ANAPC1: variants seen among roughly 807,000 people sequenced by gnomAD.
ANAPC1 encodes anaphase promoting complex subunit 1, also known as anaphase-promoting complex subunit 1.
Under a neutral mutation model 208.0 loss-of-function variants are expected in ANAPC1, and 36 were observed. That is an observed-to-expected ratio of 0.17 (90% CI 0.13 to 0.23). The LOEUF (loss-of-function observed/expected upper bound fraction) is 0.23, where lower values mean the gene tolerates loss of function less well. Ranked by LOEUF, ANAPC1 falls within the 10% of genes least tolerant of loss-of-function variation. The pLI is 1.00. For missense variants in ANAPC1, 942 were observed against 2,011.6 expected (o/e 0.47, Z 10.17); for synonymous variants, 378 against 695.2 (o/e 0.54, Z 7.18).
intron 19 of ANAPC1, among the ~76,000 whole-genome samples, chr2:111,834,267 T>C (rs1253321254): frequency 6.6e-6 from 1 of 152,216 alleles, no homozygotes; most frequent in Non-Finnish European, 1.5e-5. Flanking sequence ...TATTTGAATG[T>C]GGATATTACA....
chr2:111,867,229 G>A (rs62165437), intron 7 of ANAPC1, among the ~76,000 whole-genome samples: 10,476 of 151,460 alleles, frequency 0.069, 562 homozygotes, highest in South Asian at 0.21. Context: ...GGCGGAGGTT[G>A]CAGTGAGCCG....
At chr2:111,867,855 G>A in intron 7 of ANAPC1, 168 bp downstream of exon 7, 1 of 468,646 alleles carries the variant, frequency 2.1e-6, no homozygotes, top group Non-Finnish European at 3.8e-6. Flanking sequence ...TAAAATAACT[G>A]TTGAGCAGTT....
chr2:111,870,301 T>C (rs1682675417), intron 6 of ANAPC1, among the ~76,000 whole-genome samples: 1 of 152,208 alleles, frequency 6.6e-6, no homozygotes, highest in African/African-American at 2.4e-5. Context: ...CATACTGTTT[T>C]CCATAGATGT....
In ANAPC1 at chr2:111,847,802, T is replaced by C; in HGVS notation, c.1714A>G (p.Asn572Asp). 1 of 1,607,034 alleles carries C rather than the reference T, an allele frequency of 6.2e-7. No individual in the cohort carries two copies. Among genetic ancestry groups the C allele is most frequent in the Non-Finnish European group, 8.5e-7 (1 of 1,176,952 alleles). ...DSSKLHDSLY[N>D]EDCTFQQLGT... ...AGCTGTTGGAAAGTACAATCCTCAT[T>C]ATAGAGAGAATCATGAAGTTTTGAA... The change falls in exon 15 of 48, where the codon AAT (asparagine) becomes GAT (aspartate). Residue 572 changes from asparagine to aspartate, a missense_variant. Transcript: ENST00000341068.
chr2:111,880,755 C>A lies in ANAPC1; in HGVS notation c.71G>T (p.Gly24Val). Residue 24 changes from glycine (G) to valine (V), a missense_variant, in exon 2 of 48, where the codon GGT (glycine) becomes GTT (valine). Coordinates refer to ENST00000341068, the MANE Select transcript of ANAPC1 (RefSeq NM_022662.4). The part of the protein sequence containing the change: ...ARDLQEFVPF[G>V]RDHCKHHPNA... ...AGGGTGGTGCTTGCAGTGGTCTCGACCAAAAGGAACAAATTCCTGCAAATC... is the reference window on the plus strand; with the variant it reads ...AGGGTGGTGCTTGCAGTGGTCTCGAACAAAAGGAACAAATTCCTGCAAATC... 1 of 1,613,874 alleles carries A rather than the reference C, an allele frequency of 6.2e-7. No homozygotes were observed. Among genetic ancestry groups the A allele is most frequent in the Non-Finnish European group, 8.5e-7 (1 of 1,179,866 alleles).
intron 13 of ANAPC1, among the ~76,000 whole-genome samples, chr2:111,855,547 C>T (rs1474122085): frequency 2.6e-5 from 4 of 152,164 alleles, no homozygotes; most frequent in African/African-American, 9.7e-5. Flanking sequence ...ACAACACACG[C>T]ATCAACACAG....
intron 1 of ANAPC1, among the ~76,000 whole-genome samples, chr2:111,882,781 C>T (rs1479171129): frequency 2.0e-5 from 3 of 151,402 alleles, no homozygotes; most frequent in East Asian, 1.9e-4. Context: ...AATTATGTCA[C>T]AAAACATGAC....
In ANAPC1 at chr2:111,803,091, A is replaced by C. The variant is rs1191442067; in HGVS notation, c.4142+357T>G. 2 of 153,182 alleles carry C rather than the reference A, an allele frequency of 1.3e-5. 1 individual carries two copies. Among genetic ancestry groups the C allele is most frequent in the African/African-American group, 8.1e-5 (2 of 24,756 alleles). 9.5% of individuals were successfully genotyped at this position (153,182 alleles called of 1,614,324 possible). A position where few individuals can be genotyped will look rare whatever the true frequency, so the allele number is the denominator to read the frequency against. On this transcript the variant is annotated intron_variant, in intron 32 of 47. Coordinates refer to ENST00000341068, the MANE Select transcript of ANAPC1 (RefSeq NM_022662.4). Reference sequence around the variant, plus strand: ...TTACATGGTAACCAAGATCACACTAAATGATAAGTATTTCTGGCTTAACCA... The same window carrying C: ...TTACATGGTAACCAAGATCACACTACATGATAAGTATTTCTGGCTTAACCA...
intron 13 of ANAPC1, among the ~76,000 whole-genome samples, chr2:111,855,329 T>C (rs1681640347): frequency 6.6e-6 from 1 of 152,142 alleles, no homozygotes. Flanking sequence ...GTTTGAAATA[T>C]TGCAAGAATT....
chr2:111,781,511 T>G (rs111681888), intron 43 of ANAPC1, among the ~76,000 whole-genome samples: 17,125 of 151,862 alleles, frequency 0.11, 534 homozygotes, highest in Non-Finnish European at 0.15. Context: ...GAAATATGAG[T>G]TGAATTAAAA....
At chr2:111,859,192 G>A (rs1387393407) in intron 10 of ANAPC1, among the ~76,000 whole-genome samples, 1 of 151,948 alleles carries the variant, frequency 6.6e-6, no homozygotes, top group Admixed American at 6.6e-5. Context: ...CTTCTAAAGT[G>A]CTACAGAAGG....
intron 13 of ANAPC1, among the ~76,000 whole-genome samples, chr2:111,851,581 C>A (rs1444206609): frequency 1.3e-5 from 2 of 151,554 alleles, no homozygotes; most frequent in Non-Finnish European, 2.9e-5. Flanking sequence ...CCGAGGCGGG[C>A]GGATCACAAG....
In ANAPC1 at chr2:111,838,480, A is replaced by C. The variant is rs1181626034; in HGVS notation, c.2073T>G (p.Ile691Met). The stretch of plus-strand genomic sequence containing the variant: ...CGGAAGGCCTTGCTTTTTTGGGCGC[A>C]ATGACAGGAGAAAGTGATCCTTCAA... ...FDFEGSLSPV[I>M]APKKARPSET... The change falls in exon 18 of 48, where the codon ATT (isoleucine) becomes ATG (methionine). Residue 691 changes from isoleucine (I) to methionine (M), a missense_variant. Coordinates refer to ENST00000341068, the MANE Select transcript of ANAPC1 (RefSeq NM_022662.4). 7 of 1,607,562 alleles carry C rather than the reference A, an allele frequency of 4.4e-6. No homozygotes were observed. The highest frequency in any genetic ancestry group is 5.9e-6 in the Non-Finnish European group (7 of 1,178,194).
intron 7 of ANAPC1, chr2:111,866,492 G>A (rs28730278): frequency 0.53 from 79,009 of 147,722 alleles, 22,449 homozygotes; most frequent in Non-Finnish European, 0.6. Context: ...TTGGGAGGCC[G>A]AGGTGGGTGG....
At chr2:111,853,883 A>AT (rs1157976351) in intron 13 of ANAPC1, among the ~76,000 whole-genome samples, 2 of 151,854 alleles carry the variant, frequency 1.3e-5, no homozygotes, top group Non-Finnish European at 2.9e-5. Context: ...CGCCCGGCTA[A>AT]TTTTTTGTAC....
intron 44 of ANAPC1, chr2:111,779,942 T>C (rs935864340): frequency 2.3e-5 from 6 of 260,710 alleles, no homozygotes; most frequent in East Asian, 2.3e-4. Context: ...AGGGTTATAA[T>C]ATACAGAGGA....
At chr2:111,874,108 GAA>G (rs1682903306) in intron 3 of ANAPC1, among the ~76,000 whole-genome samples, 2 of 151,968 alleles carry the variant, frequency 1.3e-5, no homozygotes, top group African/African-American at 4.8e-5. Context: ...ACTGACTTTT[GAA>G]AAAGTCTTTA....
intron 10 of ANAPC1, among the ~76,000 whole-genome samples, chr2:111,861,096 CA>C (rs1196032819): frequency 1.3e-5 from 2 of 151,918 alleles, no homozygotes; most frequent in African/African-American, 4.8e-5. Flanking sequence ...TTTTCTTTTT[CA>C]GACAGTCTCA....
downstream of ANAPC1, chr2:111,767,127 G>C (rs1000016869): frequency 1.1e-5 from 4 of 371,798 alleles, no homozygotes; most frequent in African/African-American, 9.7e-5. Context: ...TATCTAAGTA[G>C]AAAAGATGGG....
Sources: allele counts gnomAD v4.1 joint callset (sites outside exome capture counted in the v4.1 genomes callset), GRCh38; gene constraint gnomAD v4.1.1; transcripts MANE v1.5; gene names NCBI Gene and HGNC (gene_info 2026-07-23, HGNC 2026-07-21).